The following CMSS1 variants were observed in gnomAD, a reference collection of about 807,000 sequenced individuals.
CMSS1 encodes the protein protein CMSS1.
Under a neutral mutation model 43.5 loss-of-function variants are expected in CMSS1, and 33 were observed. The ratio of observed to expected loss-of-function variants is 0.76; its 90% CI spans 0.57 to 1.01. CMSS1 has a LOEUF of 1.01. Ranked by LOEUF, CMSS1 falls within the 50% of genes least tolerant of loss-of-function variation. CMSS1 has a pLI of 0.00. For missense variants in CMSS1, 313 were observed against 326.4 expected (o/e 0.96, Z 0.32); for synonymous variants, 115 against 117.2 (o/e 0.98, Z 0.12).
chr3:99,893,425 A>C (rs916496488), intron 1 of CMSS1, among the ~76,000 whole-genome samples: 3 of 152,078 alleles, frequency 2.0e-5, no homozygotes, highest in Admixed American at 6.6e-5. Context: ...TCGGCCTCCC[A>C]AAGTGCTGGG....
At chr3:99,851,142 A>G in intron 1 of CMSS1, 1 of 1,205,688 alleles carries the variant, frequency 8.3e-7, no homozygotes, top group Non-Finnish European at 1.1e-6. Context: ...TTAAATATAT[A>G]TGTAATTTAG....
chr3:100,143,955 A>G (rs2066825965), intron 1 of CMSS1, among the ~76,000 whole-genome samples: 1 of 151,988 alleles, frequency 6.6e-6, no homozygotes, highest in African/African-American at 2.4e-5. Context: ...CTATATCATT[A>G]TATTTGAAGT....
At chr3:99,911,615 A>G (rs1346060197) in intron 1 of CMSS1, among the ~76,000 whole-genome samples, 3 of 152,022 alleles carry the variant, frequency 2.0e-5, no homozygotes, top group African/African-American at 7.2e-5. Context: ...CTGTGAGTGC[A>G]TTTCTCTGCC....
chr3:99,986,300 T>C (rs1450416500), intron 1 of CMSS1, among the ~76,000 whole-genome samples: 1 of 152,202 alleles, frequency 6.6e-6, no homozygotes, highest in African/African-American at 2.4e-5. Flanking sequence ...TCATGAAGCT[T>C]GTGGCATTAG....
chr3:99,857,128 T>C (rs541279619), intron 1 of CMSS1, among the ~76,000 whole-genome samples: 1 of 152,324 alleles, frequency 6.6e-6, no homozygotes, highest in South Asian at 2.1e-4. Flanking sequence ...GAACAAATAC[T>C]CCCTTTTGTG....
intron 1 of CMSS1, among the ~76,000 whole-genome samples, chr3:99,968,200 T>G (rs1340299351): frequency 6.6e-6 from 1 of 152,138 alleles, no homozygotes; most frequent in Non-Finnish European, 1.5e-5. Flanking sequence ...GAAAAGAACA[T>G]GGGAAGGGAA....
chr3:100,021,487 T>C (rs2064816194), intron 1 of CMSS1, among the ~76,000 whole-genome samples: 1 of 152,082 alleles, frequency 6.6e-6, no homozygotes, highest in African/African-American at 2.4e-5. Flanking sequence ...TAGAGAAAAT[T>C]CCTGTAATGT....
intron 2 of CMSS1, among the ~76,000 whole-genome samples, chr3:100,152,429 T>TA (rs1379104417): frequency 1.3e-5 from 2 of 152,286 alleles, no homozygotes; most frequent in Non-Finnish European, 1.5e-5. Flanking sequence ...GTCACACCCC[T>TA]AATCTCTTCT....
At chr3:100,069,094 G>C (rs1048610331) in intron 1 of CMSS1, among the ~76,000 whole-genome samples, 2 of 152,142 alleles carry the variant, frequency 1.3e-5, no homozygotes, top group African/African-American at 2.4e-5. Context: ...CAAGTCTGGT[G>C]CCTCAAACTA....
At chr3:100,004,393 A>T (rs1270959020) in intron 1 of CMSS1, among the ~76,000 whole-genome samples, 1 of 152,200 alleles carries the variant, frequency 6.6e-6, no homozygotes, top group African/African-American at 2.4e-5. Flanking sequence ...AGAAGATCAA[A>T]TATTCTTTGT....
At chr3:100,140,165 C>T (rs1351601191) in intron 1 of CMSS1, among the ~76,000 whole-genome samples, 1 of 152,204 alleles carries the variant, frequency 6.6e-6, no homozygotes, top group African/African-American at 2.4e-5. Context: ...CAACATCACA[C>T]AACTAATAAT....
chr3:99,867,598 C>G (rs934430819), intron 1 of CMSS1, among the ~76,000 whole-genome samples: 1 of 152,126 alleles, frequency 6.6e-6, no homozygotes, highest in African/African-American at 2.4e-5. Flanking sequence ...GACCTTACCT[C>G]ATCTGCTTGT....
intron 1 of CMSS1, among the ~76,000 whole-genome samples, chr3:99,956,041 G>A (rs533608986): frequency 1.3e-5 from 2 of 152,316 alleles, no homozygotes; most frequent in South Asian, 4.1e-4. Context: ...TTCAGTAAGT[G>A]TTCATTGACT....
chr3:100,068,350 C>CTG (rs62958661), intron 1 of CMSS1, among the ~76,000 whole-genome samples: 1,618 of 149,492 alleles, frequency 0.011, 9 homozygotes, highest in African/African-American at 0.023. Flanking sequence ...GAAAGAGCCT[C>CTG]TGTGTGTGTG....
At chr3:100,061,273 G>C (rs2107344919) in intron 1 of CMSS1, among the ~76,000 whole-genome samples, 1 of 152,318 alleles carries the variant, frequency 6.6e-6, no homozygotes, top group East Asian at 1.9e-4. Flanking sequence ...TGTGTAATGA[G>C]AGGCTCCTTA....
intron 1 of CMSS1, among the ~76,000 whole-genome samples, chr3:100,105,930 A>G (rs2066387663): frequency 6.6e-6 from 1 of 152,174 alleles, no homozygotes; most frequent in Non-Finnish European, 1.5e-5. Flanking sequence ...CTTCAAACTT[A>G]GAAACATCAT....
intron 1 of CMSS1, among the ~76,000 whole-genome samples, chr3:100,057,710 TCATAAATGCATG>T (rs2065489108): frequency 6.6e-6 from 1 of 152,284 alleles, no homozygotes; most frequent in Admixed American, 6.5e-5. Context: ...CCCGGGTGTT[TCATAAATGCATG>T]CATTTGGTCG....
At chr3:99,963,304 G>T (rs1329379409) in intron 1 of CMSS1, among the ~76,000 whole-genome samples, 1 of 152,210 alleles carries the variant, frequency 6.6e-6, no homozygotes, top group Admixed American at 6.5e-5. Context: ...ATATATGCAG[G>T]TAAGTGCTTC....
At chr3:99,962,493 T>G (rs1024391679) in intron 1 of CMSS1, among the ~76,000 whole-genome samples, 36 of 152,200 alleles carry the variant, frequency 2.4e-4, no homozygotes, top group African/African-American at 8.4e-4. Context: ...CAGATATAGC[T>G]CTTTCAGTAG....
Sources: gnomAD v4.1 joint callset for allele counts (sites outside exome capture counted in the v4.1 genomes callset) on GRCh38, gnomAD v4.1.1 for gene constraint, MANE v1.5 for transcripts, NCBI Gene and HGNC (gene_info 2026-07-23, HGNC 2026-07-21) for gene names.